MKI67: variants seen among roughly 807,000 people sequenced by gnomAD.
MKI67 encodes the protein proliferation marker protein Ki-67.
In MKI67, 152 loss-of-function variants were observed where a neutral mutation model predicts 233.5. That is an observed-to-expected ratio of 0.65 (90% CI 0.57 to 0.74). The LOEUF (loss-of-function observed/expected upper bound fraction) is 0.74. MKI67 is among the 30% of genes least tolerant of loss of function. MKI67 has a pLI of 0.00. For synonymous variants in MKI67, 1,465 were observed against 1,418.5 expected (o/e 1.03, Z -0.74); for missense variants, 3,940 against 3,885.2 (o/e 1.01, Z -0.37).
rs945486601 is a variant in MKI67, at chr10:128,123,118, A to G, written c.144T>C (p.His48=). 2 of 1,613,992 alleles carry G rather than the reference A, an allele frequency of 1.2e-6. No homozygotes were observed. The highest frequency in any genetic ancestry group is 2.7e-5 in the African/African-American group (2 of 75,048). ...RIQLPVVSKQ[H]CKIEIHEQEA... ...CCTGCTCATGGATTTCAATTTTGCA[A>G]TGTTGTTTTGACACAACAGGAAGCT... Residue 48 remains histidine, a synonymous_variant, in exon 3 of 15, where the codon CAT becomes CAC. Coordinates refer to ENST00000368654, the MANE Select transcript of MKI67 (RefSeq NM_002417.5).
In MKI67 at chr10:128,112,194, A is replaced by T. The variant is rs146178090; in HGVS notation, c.1908T>A (p.His636Gln). The change falls in exon 9 of 15, where the codon CAT becomes CAA. Residue 636 changes from histidine (H) to glutamine (Q), a missense_variant. His to Gln is a conservative substitution (Grantham distance 24, BLOSUM62 0). Transcript: ENST00000368654. ...SKRVSISRSQ[H>Q]DILQMICSKR... The stretch of plus-strand genomic sequence containing the variant: ...TGGAACATATCATCTGTAAAATATC[A>T]TGTTGACTTCGGCTGATAGACACTC... The T allele has an allele frequency of 7.9e-5, 128 of 1,614,028 alleles. No individual in the cohort carries two copies. Among genetic ancestry groups the T allele is most frequent in the Non-Finnish European group, 9.3e-5 (110 of 1,180,018 alleles).
At position 128,126,178 on chromosome 10, in the gene MKI67, C is replaced by G. The variant is rs1853050992; in HGVS notation, c.-169G>C. 1 of 158,120 alleles carries G rather than the reference C, an allele frequency of 6.3e-6. No homozygotes were observed. The highest frequency in any genetic ancestry group is 2.4e-5 in the African/African-American group (1 of 41,490). The allele number at this position is 158,120 out of a possible 1,614,324, so 9.8% of individuals were successfully genotyped here. A position where few individuals can be genotyped will look rare whatever the true frequency, so the allele number is the denominator to read the frequency against. On this transcript the variant is annotated 5_prime_UTR_variant, in exon 1 of 15. Transcript: ENST00000368654. ...ACCCAAAGTCCGCCGCAGGAGGAGC[C>G]GGCGCCGCGCTCACCTCCGCCCGGT... is the stretch of plus-strand genomic sequence containing the variant.
In MKI67 at chr10:128,108,968, A is replaced by G. The variant is rs770505709; in HGVS notation, c.2872T>C (p.Cys958Arg). Residue 958 changes from cysteine to arginine, a missense_variant, in exon 13 of 15, where the codon TGT becomes CGT. Physicochemically the swap from Cys to Arg is radical, Grantham distance 180 (BLOSUM62 -3). Transcript: ENST00000368654. ...MKRSRTWGQKCAPMSDLTDLK... is the reference protein window; with the variant it reads ...MKRSRTWGQKRAPMSDLTDLK... ...TCTGTCAGGTCAGACATTGGTGCAC[A>G]TTTCTGCCCCCAAGTTCTTGATCTC... The G allele has an allele frequency of 6.2e-7, 1 of 1,614,006 alleles. No homozygotes were observed. Among genetic ancestry groups the G allele is most frequent in the South Asian group, 1.1e-5 (1 of 91,072 alleles).
Position 128,115,113 on chromosome 10 carries a change from A to G in MKI67, c.1295T>C (p.Val432Ala). ...TRGSIPTDVE[V>A]LPTETEIHNE... Reference sequence around the variant, plus strand: ...GTGAATTTCAGTTTCCGTAGGCAGAACTTCCACATCTGTAGGAATACTTCC... The same window carrying G: ...GTGAATTTCAGTTTCCGTAGGCAGAGCTTCCACATCTGTAGGAATACTTCC... Residue 432 changes from valine (V) to alanine (A), a missense_variant, in exon 7 of 15, where the codon GTT becomes GCT. Physicochemically the swap from Val to Ala is moderately conservative, Grantham distance 64 (BLOSUM62 0). Transcript: ENST00000368654. 1 of 1,614,130 alleles carries G rather than the reference A, an allele frequency of 6.2e-7. No homozygotes were observed. The highest frequency in any genetic ancestry group is 1.1e-5 in the South Asian group (1 of 91,084).
intron 14 of MKI67, among the ~76,000 whole-genome samples, chr10:128,100,504 G>C (rs1036939751): frequency 6.6e-6 from 1 of 152,144 alleles, no homozygotes; most frequent in Non-Finnish European, 1.5e-5. Context: ...GGTAGTTTTA[G>C]GTCCAAATTT....
intron 5 of MKI67, among the ~76,000 whole-genome samples, chr10:128,118,536 A>T (rs1852855452): frequency 1.3e-5 from 2 of 152,220 alleles, no homozygotes; most frequent in African/African-American, 4.8e-5. Flanking sequence ...GCACTCTAAA[A>T]TGTAGGAAAA....
chr10:128,125,073 C>CAGGG lies in MKI67; in HGVS notation c.92+499_92+502dup, dbSNP rs1262102166. On this transcript the variant is annotated intron_variant, in intron 2 of 14. Coordinates refer to ENST00000368654, the MANE Select transcript of MKI67 (RefSeq NM_002417.5). This position sits in a 1 kb window ranked among gnomAD's most constrained non-coding sequence, Gnocchi z 5.3. ...AGCAACTATACCTGTTATACAGGGACAGGGTTATTACCACCACCAAACAGG... is the reference window on the plus strand; with the variant it reads ...AGCAACTATACCTGTTATACAGGGACAGGGAGGGTTATTACCACCACCAAACAGG... Among the ~76,000 whole-genome samples the CAGGG allele has an allele frequency of 6.6e-6, 1 of 152,172 alleles. No homozygotes were observed. Among genetic ancestry groups the CAGGG allele is most frequent in the Non-Finnish European group, 1.5e-5 (1 of 68,044 alleles).
chr10:128,102,562 G>A lies in MKI67; in HGVS notation c.9261+17C>T, dbSNP rs549658845. ...ATCCAAGACGATATTGAGTGATGCT[G>A]TAATACTTCCTCTCACCTTATTTTC... On this transcript the variant is annotated intron_variant, in intron 13 of 14. Transcript: ENST00000368654. The A allele has an allele frequency of 5.6e-6, 9 of 1,609,558 alleles. No individual in the cohort carries two copies. In the South Asian group the frequency reaches 7.7e-5, roughly 14 times the overall value.
At chr10:128,117,203 C>T (rs1039333756) in intron 5 of MKI67, among the ~76,000 whole-genome samples, 11 of 151,342 alleles carry the variant, frequency 7.3e-5, no homozygotes, top group Non-Finnish European at 1.0e-4. Context: ...TACTGAAGAT[C>T]TGTAACCCCC....
At position 128,112,265 on chromosome 10, in the gene MKI67, C is replaced by CCT. The variant is rs773706101; in HGVS notation, c.1835_1836dup (p.Val613ArgfsTer30). 6.2e-7 allele frequency: 1 copy of CCT among 1,614,222 alleles called. No homozygotes were observed. Among genetic ancestry groups the CCT allele is most frequent in the Admixed American group, 1.7e-5 (1 of 60,026 alleles). On this transcript the variant is annotated frameshift_variant, in exon 9 of 15. Transcript: ENST00000368654. LOFTEE classifies it high-confidence loss of function. ...CTCTTTCTCCCTCCTCTCTTAGGAA[C>CCT]CTCTGTCTGAGATTTGCTGCTGGAA...
Position 128,125,906 on chromosome 10 carries a change from T to C in MKI67, c.-89-150A>G. On this transcript the variant is annotated intron_variant, in intron 1 of 14. Transcript: ENST00000368654. This position sits in a 1 kb window ranked among gnomAD's most constrained non-coding sequence, Gnocchi z 5.3. ...GACCGCAGCCCCCGGCGCCCCAAAGTCCGGCAGCTGGGGTGTTGTCGCCAG... is the reference window on the plus strand; with the variant it reads ...GACCGCAGCCCCCGGCGCCCCAAAGCCCGGCAGCTGGGGTGTTGTCGCCAG... 3.8e-6 allele frequency: 2 copies of C among 526,630 alleles called. No individual in the cohort carries two copies. The highest frequency in any genetic ancestry group is 6.8e-6 in the Non-Finnish European group (2 of 294,426). 32.6% of individuals were successfully genotyped at this position (526,630 alleles called of 1,614,324 possible). A position where few individuals can be genotyped will look rare whatever the true frequency, so the allele number is the denominator to read the frequency against.
chr10:128,123,590 C>T (rs1195933342), intron 2 of MKI67, among the ~76,000 whole-genome samples: 1 of 152,190 alleles, frequency 6.6e-6, no homozygotes, highest in Non-Finnish European at 1.5e-5. Context: ...TTGATGCTAG[C>T]ACTTCTGTGC....
chr10:128,115,307 A>G lies in MKI67; in HGVS notation c.1101T>C (p.Tyr367=), dbSNP rs770183077. The G allele has an allele frequency of 3.7e-6, 6 of 1,614,082 alleles. No homozygotes were observed. In the South Asian group the frequency reaches 6.6e-5, roughly 18 times the overall value. Residue 367 remains tyrosine, a synonymous_variant, in exon 7 of 15, where the codon TAT becomes TAC. Transcript: ENST00000368654. The stretch of plus-strand genomic sequence containing the variant: ...TCACAGATTCTCTTCTACCAGTAGT[A>G]TACAGGTCTTTGTTCTTATGTTTTT... ...SPQKHKNKDL[Y]TTGRRESVNL...
chr10:128,103,366 CA>C lies in MKI67; in HGVS notation c.8473del (p.Cys2825AlafsTer7). 3 of 1,614,026 alleles carry C rather than the reference CA, an allele frequency of 1.9e-6. No homozygotes were observed. The highest frequency in any genetic ancestry group is 2.5e-6 in the Non-Finnish European group (3 of 1,180,012). ...GTCTTCTAGTTCTGGTGATGATTTG[CA>C]GGGTATTTTAGTGGTTTTGTCATCA... Reference protein sequence around the residue: ...MTDDKTTKIPCKSSPELEDTA... With the variant: ...MTDDKTTKIPXKSSPELEDTA... On this transcript the variant is annotated frameshift_variant, in exon 13 of 15. Transcript: ENST00000368654. LOFTEE classifies it high-confidence loss of function.
Position 128,106,987 on chromosome 10 carries a change from G to A in MKI67, c.4853C>T (p.Ser1618Leu). ...DKTAKVACKS[S>L]QPDPDKNPAS... is the part of the protein sequence containing the mutation. Reference sequence around the variant, plus strand: ...TGGGTTTTTGTCTGGGTCTGGTTGTGAAGATTTGCAGGCTACTTTGGCAGT... The same window carrying A: ...TGGGTTTTTGTCTGGGTCTGGTTGTAAAGATTTGCAGGCTACTTTGGCAGT... Residue 1618 changes from serine to leucine, a missense_variant, in exon 13 of 15, where the codon TCA becomes TTA. Transcript: ENST00000368654. 5.6e-6 allele frequency: 9 copies of A among 1,614,000 alleles called. No homozygotes were observed. The highest frequency in any genetic ancestry group is 5.9e-6 in the Non-Finnish European group (7 of 1,180,016).
intron 14 of MKI67, 101 bp from the exon 15 acceptor site, chr10:128,099,356 C>A: frequency 1.4e-6 from 1 of 708,964 alleles, no homozygotes; most frequent in Admixed American, 3.3e-5. Context: ...AGGTATTATG[C>A]AGGTCCTTAG....
Position 128,102,625 on chromosome 10 carries a change from G to A in MKI67, c.9215C>T (p.Thr3072Ile). The A allele has an allele frequency of 1.2e-6, 2 of 1,614,158 alleles. No homozygotes were observed. Among genetic ancestry groups the A allele is most frequent in the East Asian group, 2.2e-5 (1 of 44,886 alleles). The change falls in exon 13 of 15, where the codon ACC becomes ATC. Residue 3072 changes from threonine (T) to isoleucine (I), a missense_variant. Coordinates refer to ENST00000368654, the MANE Select transcript of MKI67 (RefSeq NM_002417.5). The stretch of plus-strand genomic sequence containing the variant: ...TTGTAATTTGTGTTCCTCTTTGTTG[G>A]TTTTCATGTCGTTGCTGTTCAGCTC... ...AEELNSNDMK[T>I]NKEEHKLQDS...
Position 128,125,589 on chromosome 10 carries a change from A to C in MKI67, c.79T>G (p.Cys27Gly). The C allele has an allele frequency of 6.2e-7, 1 of 1,613,110 alleles. No individual in the cohort carries two copies. The highest frequency in any genetic ancestry group is 2.2e-5 in the East Asian group (1 of 44,844). The change falls in exon 2 of 15, where the codon TGC (cysteine) becomes GGC (glycine). Residue 27 changes from cysteine (C) to glycine (G), a missense_variant. Coordinates refer to ENST00000368654, the MANE Select transcript of MKI67 (RefSeq NM_002417.5). This position sits in a 1 kb window ranked among gnomAD's most constrained non-coding sequence, Gnocchi z 5.3. ...GPHFPLSLST[C>G]LFGRGIECDI... Reference sequence around the variant, plus strand: ...CGCGGGGCTCACCTTCCAAACAAGCAGGTGCTGAGGCTCAGGGGAAAGTGG... The same window carrying C: ...CGCGGGGCTCACCTTCCAAACAAGCCGGTGCTGAGGCTCAGGGGAAAGTGG...
At position 128,111,633 on chromosome 10, in the gene MKI67, C is replaced by G. The variant is rs770223934; in HGVS notation, c.2260+12G>C. 38 of 1,593,262 alleles carry G rather than the reference C, an allele frequency of 2.4e-5. No individual in the cohort carries two copies. In the Admixed American group the frequency reaches 6.6e-4, roughly 28 times the overall value. ...GTCAAAAGATTTATAAGATCTAAGA[C>G]TACGTTTTTACCTGAAAGATCTTCC... On this transcript the variant is annotated intron_variant, in intron 11 of 14. Transcript: ENST00000368654.
Sources: allele counts gnomAD v4.1 joint callset (sites outside exome capture counted in the v4.1 genomes callset), GRCh38; gene constraint gnomAD v4.1.1; non-coding constraint Gnocchi (gnomAD v3.1); transcripts MANE v1.5; gene names NCBI Gene and HGNC (gene_info 2026-07-23, HGNC 2026-07-21).